Variants in MCPH1 observed in about 807,000 individuals in gnomAD.
MCPH1 encodes microcephalin.
Under a neutral mutation model 84.5 loss-of-function variants are expected in MCPH1, and 104 were observed. The observed-to-expected ratio is 1.23, with a 90% CI of 1.05 to 1.45. MCPH1 has a LOEUF of 1.45. MCPH1 is among the 40% of genes most tolerant of loss of function. The pLI is 0.00. For synonymous variants in MCPH1, 514 were observed against 366.8 expected (o/e 1.40, Z -4.58); for missense variants, 1,498 against 1,005.7 (o/e 1.49, Z -6.62).
chr8:6,494,683 A>G (rs1811048483), intron 11 of MCPH1: 1 of 152,212 alleles, frequency 6.6e-6, no homozygotes, highest in South Asian at 2.1e-4. Context: ...CAGACAGTAT[A>G]TCCAGAATAG....
chr8:6,572,336 A>G (rs1028635658), intron 12 of MCPH1, among the ~76,000 whole-genome samples: 11 of 152,198 alleles, frequency 7.2e-5, no homozygotes, highest in Non-Finnish European at 1.2e-4. Flanking sequence ...GCTTGACTAC[A>G]ATAAAAATTA....
intron 12 of MCPH1, among the ~76,000 whole-genome samples, chr8:6,538,850 T>C (rs1820984338): frequency 6.6e-6 from 1 of 152,226 alleles, no homozygotes; most frequent in African/African-American, 2.4e-5. Context: ...CATCCACTCT[T>C]AGAATTAGTT....
chr8:6,613,796 G>T (rs1470515631), intron 12 of MCPH1, among the ~76,000 whole-genome samples: 1 of 152,260 alleles, frequency 6.6e-6, no homozygotes, highest in East Asian at 1.9e-4. Context: ...GAGCTGGCTT[G>T]TGGACGGCCA....
intron 12 of MCPH1, among the ~76,000 whole-genome samples, chr8:6,526,257 T>TAAAAAAAAAA (rs35519559): frequency 2.6e-5 from 2 of 77,464 alleles, no homozygotes; most frequent in African/African-American, 8.5e-5. Context: ...TTGCCTCTAC[T>TAAAAAAAAAA]AAAAAAAAAA....
intron 12 of MCPH1, among the ~76,000 whole-genome samples, chr8:6,578,924 A>T (rs533259251): frequency 6.6e-6 from 1 of 152,274 alleles, no homozygotes; most frequent in South Asian, 2.1e-4. Flanking sequence ...CCCAGGGCAG[A>T]GTTCATGTTT....
intron 3 of MCPH1, among the ~76,000 whole-genome samples, chr8:6,423,092 A>G (rs939518281): frequency 6.6e-6 from 1 of 151,144 alleles, no homozygotes; most frequent in South Asian, 2.1e-4. Flanking sequence ...AAGTGCTAGG[A>G]TTACAGGTAA....
chr8:6,556,004 T>A (rs1824545271), intron 12 of MCPH1, among the ~76,000 whole-genome samples: 1 of 152,200 alleles, frequency 6.6e-6, no homozygotes, highest in African/African-American at 2.4e-5. Flanking sequence ...CTGTCAAGTC[T>A]GCTGTGGGGA....
intron 12 of MCPH1, among the ~76,000 whole-genome samples, chr8:6,505,943 TTA>T (rs1442864275): frequency 1.9e-5 from 1 of 51,914 alleles, no homozygotes; most frequent in Non-Finnish European, 3.2e-5. Flanking sequence ...TACATATTCT[TTA>T]TATATGTATA....
rs2980674 is a variant in MCPH1, at chr8:6,602,231, C to G, written c.2215-19223C>G. Among the ~76,000 whole-genome samples the G allele has an allele frequency of 0.041, 6,316 of 152,260 alleles. 737 individuals are homozygous for G. In the East Asian group the frequency reaches 0.44, roughly 11 times the overall value. On this transcript the variant is annotated intron_variant, in intron 12 of 13. Coordinates refer to ENST00000344683, the MANE Select transcript of MCPH1 (RefSeq NM_024596.5). Reference sequence around the variant, plus strand: ...GGAGGGAGGCAACAAGGGGCCAGCCCGTGGGGAGCCTTAAGCACCAAGAGC... The same window carrying G: ...GGAGGGAGGCAACAAGGGGCCAGCCGGTGGGGAGCCTTAAGCACCAAGAGC...
chr8:6,524,130 A>G (rs1006500598), intron 12 of MCPH1, among the ~76,000 whole-genome samples: 4 of 152,194 alleles, frequency 2.6e-5, no homozygotes, highest in Non-Finnish European at 4.4e-5. Flanking sequence ...TCCTTCCAAT[A>G]TAAAGTTTAG....
Position 6,444,901 on chromosome 8 carries a change from G to T in MCPH1, c.1179G>T (p.Arg393Ser), listed in dbSNP as rs369922796. The change falls in exon 8 of 14, where the codon AGG becomes AGT. Residue 393 changes from arginine (R) to serine (S), a missense_variant. Coordinates refer to ENST00000344683, the MANE Select transcript of MCPH1 (RefSeq NM_024596.5). ...PRLQLCRSED[R>S]LQHVAGPALE... ...TGCAGCTGTGCAGGTCGGAAGACAG[G>T]CTGCAGCACGTGGCGGGACCTGCCC... The T allele has an allele frequency of 6.8e-6, 11 of 1,614,074 alleles. No homozygotes were observed. The highest frequency in any genetic ancestry group is 1.7e-5 in the Admixed American group (1 of 60,010).
chr8:6,548,119 T>A (rs940371429), intron 12 of MCPH1, among the ~76,000 whole-genome samples: 1 of 152,198 alleles, frequency 6.6e-6, no homozygotes, highest in African/African-American at 2.4e-5. Flanking sequence ...TTGGCTGCTC[T>A]TTGGGATTCA....
intron 12 of MCPH1, among the ~76,000 whole-genome samples, chr8:6,607,921 G>C (rs983990585): frequency 3.3e-5 from 5 of 152,212 alleles, no homozygotes; most frequent in Non-Finnish European, 5.9e-5. Context: ...ACCAGGCCCG[G>C]ATTTGTTTGG....
intron 9 of MCPH1, chr8:6,473,896 A>G: frequency 3.9e-6 from 6 of 1,536,784 alleles, no homozygotes; most frequent in Non-Finnish European, 5.2e-6. Flanking sequence ...TCTGATCTAC[A>G]TTATTTTCTA....
intron 9 of MCPH1, among the ~76,000 whole-genome samples, chr8:6,473,320 CTTTTTTTTTTTTTTTT>C (rs56077837): frequency 1.8e-4 from 14 of 76,396 alleles, no homozygotes; most frequent in African/African-American, 6.9e-4. Context: ...TCTCTCAATC[CTTTTTTTTTTTTTTTT>C]TTTTTTTTTT....
intron 5 of MCPH1, 30 bp downstream of exon 5, chr8:6,436,192 G>A (rs759688817): frequency 1.9e-6 from 3 of 1,606,632 alleles, no homozygotes; most frequent in Non-Finnish European, 1.7e-6. Context: ...ACAGTTCTTT[G>A]CATTTGTGTC....
chr8:6,543,620 G>T (rs987128676), intron 12 of MCPH1, among the ~76,000 whole-genome samples: 4 of 152,112 alleles, frequency 2.6e-5, no homozygotes, highest in African/African-American at 7.2e-5. Context: ...TGATTTTTGT[G>T]TTCATAAAGC....
chr8:6,568,988 C>T (rs1173903910), intron 12 of MCPH1, among the ~76,000 whole-genome samples: 1 of 152,186 alleles, frequency 6.6e-6, no homozygotes, highest in Admixed American at 6.5e-5. Context: ...GACAGAGGGG[C>T]ACACTCGGGA....
Position 6,414,517 on chromosome 8 carries a change from A to G in MCPH1, c.115-248A>G, listed in dbSNP as rs141394471. 2.1e-3 allele frequency among the ~76,000 whole-genome samples: 324 copies of G among 152,244 alleles called. 2 individuals carry two copies. Among genetic ancestry groups the G allele is most frequent in the African/African-American group, 7.6e-3 (317 of 41,536 alleles). On this transcript the variant is annotated intron_variant, in intron 2 of 13. Transcript: ENST00000344683. The stretch of plus-strand genomic sequence containing the variant: ...TCTCTTCTGTCCTCTTTATCCTTGC[A>G]GGGCTCCAACTCTATTCTTTCAGTA...
Sources: allele counts gnomAD v4.1 joint callset (sites outside exome capture counted in the v4.1 genomes callset), GRCh38; gene constraint gnomAD v4.1.1; transcripts MANE v1.5; gene names NCBI Gene and HGNC (gene_info 2026-07-23, HGNC 2026-07-21).